Variants in METTL15 observed in about 807,000 individuals in gnomAD.
The protein encoded by METTL15 is 12S rRNA N(4)-cytidine methyltransferase METTL15.
In METTL15, 34 loss-of-function variants were observed where a neutral mutation model predicts 38.3. That is an observed-to-expected ratio of 0.89 (90% CI 0.68 to 1.18). METTL15 has a LOEUF of 1.18. Ranked by LOEUF, METTL15 falls within the 50% of genes most tolerant of loss-of-function variation. The pLI, the probability that METTL15 is intolerant of heterozygous loss-of-function variation, is 0.00. For missense variants in METTL15, 438 were observed against 498.4 expected (o/e 0.88, Z 1.15); for synonymous variants, 162 against 170.9 (o/e 0.95, Z 0.41).
intron 6 of METTL15, among the ~76,000 whole-genome samples, chr11:28,446,650 T>C (rs1851077586): frequency 6.6e-6 from 1 of 152,138 alleles, no homozygotes; most frequent in South Asian, 2.1e-4. Context: ...ACTCATTTCA[T>C]TTTAGCATTG....
At chr11:28,339,335 C>T (rs528028988) in intron 3 of METTL15, among the ~76,000 whole-genome samples, 3 of 151,948 alleles carry the variant, frequency 2.0e-5, no homozygotes, top group Non-Finnish European at 4.4e-5. Context: ...ACACACAATG[C>T]TGTACATAAG....
At chr11:28,234,649 G>A (rs1377389171) in intron 4 of METTL15, among the ~76,000 whole-genome samples, 2 of 149,008 alleles carry the variant, frequency 1.3e-5, no homozygotes, top group South Asian at 2.1e-4. Flanking sequence ...TTTTGATGGG[G>A]TTGTTTGTTT....
In METTL15 at chr11:28,474,464, A is replaced by G. The variant is rs184028832; in HGVS notation, c.*424+50100A>G. ...TATATATTCATAAATTTGGATATATATGTGTTCATGAGAAAGTAAGCTCCT... is the reference window on the plus strand; with the variant it reads ...TATATATTCATAAATTTGGATATATGTGTGTTCATGAGAAAGTAAGCTCCT... On this transcript the variant is annotated intron_variant and NMD_transcript_variant, in intron 6 of 7. Transcript: ENST00000532947. Among the ~76,000 whole-genome samples the G allele has an allele frequency of 4.6e-5, 7 of 152,284 alleles. No homozygotes were observed. In the East Asian group the frequency reaches 7.7e-4, roughly 17 times the overall value.
At chr11:28,180,222 C>T (rs538895888) in intron 3 of METTL15, among the ~76,000 whole-genome samples, 1 of 151,894 alleles carries the variant, frequency 6.6e-6, no homozygotes, top group African/African-American at 2.4e-5. Context: ...CCCTTGACTC[C>T]TATGCATCCT....
At chr11:28,360,473 T>C (rs1850127340) in intron 4 of METTL15, among the ~76,000 whole-genome samples, 1 of 152,194 alleles carries the variant, frequency 6.6e-6, no homozygotes, top group Admixed American at 6.5e-5. Flanking sequence ...ATCTATGAGA[T>C]AGTCACTTCC....
At chr11:28,514,187 A>T (rs979927022) in intron 6 of METTL15, among the ~76,000 whole-genome samples, 1 of 152,166 alleles carries the variant, frequency 6.6e-6, no homozygotes, top group African/African-American at 2.4e-5. Flanking sequence ...CCCCTTTGAC[A>T]CAGTAATTGT....
chr11:28,382,210 G>A (rs923096176), intron 5 of METTL15, among the ~76,000 whole-genome samples: 5 of 152,220 alleles, frequency 3.3e-5, no homozygotes, highest in East Asian at 1.9e-4. Flanking sequence ...GGAACATGTC[G>A]AGCAAACCAC....
intron 6 of METTL15, among the ~76,000 whole-genome samples, chr11:28,486,048 G>T (rs912768982): frequency 1.3e-5 from 2 of 152,152 alleles, no homozygotes; most frequent in Admixed American, 1.3e-4. Context: ...TTAGGGTTAG[G>T]GCTTCAACAC....
At chr11:28,461,166 A>T (rs2133455184) in intron 6 of METTL15, among the ~76,000 whole-genome samples, 1 of 152,168 alleles carries the variant, frequency 6.6e-6, no homozygotes, top group South Asian at 2.1e-4. Context: ...GGTTGGCATC[A>T]TTAGATAAGA....
chr11:28,337,628 G>A (rs770507688), downstream of METTL15, among the ~76,000 whole-genome samples: 2 of 152,048 alleles, frequency 1.3e-5, no homozygotes, highest in Non-Finnish European at 2.9e-5. Context: ...CTGACTCAAA[G>A]CAACTTCCAG....
At chr11:28,276,456 A>G (rs1281303810) in intron 4 of METTL15, among the ~76,000 whole-genome samples, 2 of 152,196 alleles carry the variant, frequency 1.3e-5, no homozygotes, top group Admixed American at 1.3e-4. Flanking sequence ...ACACAAATTG[A>G]TAAACATCCC....
At chr11:28,399,761 A>G (rs965972211) in intron 5 of METTL15, among the ~76,000 whole-genome samples, 1 of 151,906 alleles carries the variant, frequency 6.6e-6, no homozygotes, top group Non-Finnish European at 1.5e-5. Context: ...GCCAAAAATA[A>G]AATTTTAAAA....
chr11:28,463,410 T>A (rs1564938331), intron 6 of METTL15, among the ~76,000 whole-genome samples: 1 of 152,156 alleles, frequency 6.6e-6, no homozygotes, highest in Non-Finnish European at 1.5e-5. Context: ...CAAATTTTAC[T>A]TTAGAATGAT....
At chr11:28,391,645 C>T (rs553543943) in intron 5 of METTL15, among the ~76,000 whole-genome samples, 2 of 152,194 alleles carry the variant, frequency 1.3e-5, no homozygotes, top group Admixed American at 1.3e-4. Flanking sequence ...GAACAGAGCC[C>T]TCGGAAATAA....
intron 4 of METTL15, among the ~76,000 whole-genome samples, chr11:28,277,354 A>G (rs1343804263): frequency 6.6e-6 from 1 of 152,206 alleles, no homozygotes. Context: ...AAATAAATGG[A>G]TAAGGAAAAT....
Position 28,290,229 on chromosome 11 carries a change from G to T in METTL15, c.431G>T (p.Gly144Val), listed in dbSNP as rs1236032071. 1.2e-6 allele frequency: 2 copies of T among 1,612,100 alleles called. No homozygotes were observed. Among genetic ancestry groups the T allele is most frequent in the South Asian group, 2.2e-5 (2 of 90,866 alleles). Residue 144 changes from glycine to valine, a missense_variant, in exon 5 of 7, where the codon GGC becomes GTC. Gly to Val is a moderately radical substitution (Grantham distance 109). Transcript: ENST00000407364. ...LYPKQIRAML[G>V]QFSQAEALLM... is the part of the protein sequence containing the mutation. ...AGTAAACAAATCCGAGCTATGCTGG[G>T]CCAGTTCAGCCAGGCAGAAGCCTTA...
chr11:28,257,294 C>T (rs1352826578), intron 4 of METTL15, among the ~76,000 whole-genome samples: 1 of 152,028 alleles, frequency 6.6e-6, no homozygotes, highest in African/African-American at 2.4e-5. Context: ...GCTTCTTTTC[C>T]TTTGTGGCTT....
intron 6 of METTL15, among the ~76,000 whole-genome samples, chr11:28,469,316 G>T (rs1590385232): frequency 6.6e-6 from 1 of 152,120 alleles, no homozygotes; most frequent in South Asian, 2.1e-4. Flanking sequence ...GATATACAAT[G>T]TAATGCATTT....
At chr11:28,508,568 T>C (rs550378869) in intron 6 of METTL15, among the ~76,000 whole-genome samples, 51 of 152,328 alleles carry the variant, frequency 3.3e-4, no homozygotes, top group African/African-American at 1.2e-3. Context: ...CCACCAAGTA[T>C]CAGGCAGGAG....
Sources: gnomAD v4.1 joint callset for allele counts (sites outside exome capture counted in the v4.1 genomes callset) on GRCh38, gnomAD v4.1.1 for gene constraint, MANE v1.5 for transcripts, NCBI Gene and HGNC (gene_info 2026-07-23, HGNC 2026-07-21) for gene names.